Variants in PTPRD observed in about 807,000 individuals in gnomAD.
PTPRD encodes the protein protein tyrosine phosphatase receptor type D.
Under a neutral mutation model 214.5 loss-of-function variants are expected in PTPRD, and 34 were observed. That is an observed-to-expected ratio of 0.16 (90% CI 0.12 to 0.21). The LOEUF (loss-of-function observed/expected upper bound fraction) is 0.21. Ranked by LOEUF, PTPRD falls within the 10% of genes least tolerant of loss-of-function variation. PTPRD has a pLI of 1.00. For synonymous variants in PTPRD, 1,128 were observed against 845.7 expected (o/e 1.33, Z -5.79); for missense variants, 2,545 against 2,398.7 (o/e 1.06, Z -1.27).
intron 14 of PTPRD, among the ~76,000 whole-genome samples, chr9:8,604,210 A>T (rs1026153753): frequency 6.6e-6 from 1 of 152,236 alleles, no homozygotes; most frequent in Admixed American, 6.5e-5. Flanking sequence ...CCATGCATGA[A>T]GTAAAACACA....
intron 2 of PTPRD, among the ~76,000 whole-genome samples, chr9:10,585,097 A>G (rs1741679505): frequency 6.6e-6 from 1 of 152,164 alleles, no homozygotes; most frequent in South Asian, 2.1e-4. Context: ...AGGCTTATAT[A>G]ACACAATATT....
intron 7 of PTPRD, among the ~76,000 whole-genome samples, chr9:9,679,255 A>G (rs1186055572): frequency 1.3e-5 from 2 of 149,974 alleles, no homozygotes; most frequent in African/African-American, 2.5e-5. Flanking sequence ...TCCTTCCCCC[A>G]CTCCCTTCAC....
intron 9 of PTPRD, among the ~76,000 whole-genome samples, chr9:9,392,378 T>G (rs986331470): frequency 3.9e-5 from 6 of 152,176 alleles, no homozygotes; most frequent in Admixed American, 1.3e-4. Flanking sequence ...AGCAGAAGTC[T>G]TAGCTTTTTA....
intron 12 of PTPRD, among the ~76,000 whole-genome samples, chr9:8,654,785 C>T (rs1010589801): frequency 5.3e-5 from 8 of 152,008 alleles, no homozygotes; most frequent in African/African-American, 1.9e-4. Flanking sequence ...GTTTCCCTTC[C>T]TATGTATTTA....
chr9:8,893,734 A>C lies in PTPRD; in HGVS notation c.-104+124963T>G, dbSNP rs536109084. Among the ~76,000 whole-genome samples the C allele has an allele frequency of 2.0e-5, 3 of 152,272 alleles. No homozygotes were observed. The East Asian group carries it at 5.8e-4, about 29-fold the overall frequency. On this transcript the variant is annotated intron_variant, in intron 11 of 45. Coordinates refer to ENST00000381196, the MANE Select transcript of PTPRD (RefSeq NM_002839.4). ...TGGCCATCAATAAGATACACATTTGAAAATGTGGTATATTAATTGGGCCAC... is the reference window on the plus strand; with the variant it reads ...TGGCCATCAATAAGATACACATTTGCAAATGTGGTATATTAATTGGGCCAC...
chr9:9,762,426 T>C (rs1412362425), intron 6 of PTPRD, among the ~76,000 whole-genome samples: 1 of 152,192 alleles, frequency 6.6e-6, no homozygotes, highest in Non-Finnish European at 1.5e-5. Context: ...ATTTTCCAAA[T>C]CTTTAGGTTT....
intron 11 of PTPRD, among the ~76,000 whole-genome samples, chr9:8,790,515 T>G (rs1008999624): frequency 2.6e-5 from 4 of 151,986 alleles, no homozygotes; most frequent in African/African-American, 9.7e-5. Context: ...CCTCCCAGGT[T>G]CAAGCAATTC....
At chr9:9,544,905 G>A (rs146823755) in intron 8 of PTPRD, among the ~76,000 whole-genome samples, 2 of 151,858 alleles carry the variant, frequency 1.3e-5, no homozygotes, top group African/African-American at 2.4e-5. Flanking sequence ...TTCTAGTTGG[G>A]ATGGGTTTCT....
chr9:8,831,528 T>A (rs889205978), intron 11 of PTPRD, among the ~76,000 whole-genome samples: 1 of 152,140 alleles, frequency 6.6e-6, no homozygotes, highest in African/African-American at 2.4e-5. Context: ...CCCAATCCAA[T>A]TCAATAAAAC....
intron 3 of PTPRD, among the ~76,000 whole-genome samples, chr9:10,334,600 T>G (rs2096811294): frequency 6.6e-6 from 1 of 151,540 alleles, no homozygotes; most frequent in African/African-American, 2.4e-5. Context: ...TTACTTTGTT[T>G]GAGAAGGAAG....
At chr9:8,490,437 G>A (rs1302311674) in intron 27 of PTPRD, among the ~76,000 whole-genome samples, 14 of 152,202 alleles carry the variant, frequency 9.2e-5, no homozygotes, top group South Asian at 2.1e-4. Flanking sequence ...TAGTACCAAC[G>A]CAACAACAAT....
chr9:9,640,070 C>A (rs549861860), intron 7 of PTPRD, among the ~76,000 whole-genome samples: 2 of 152,236 alleles, frequency 1.3e-5, no homozygotes, highest in South Asian at 4.1e-4. Flanking sequence ...TTGATTTCAT[C>A]TTAGAGACCC....
chr9:8,644,594 A>T (rs1001550881), intron 12 of PTPRD, among the ~76,000 whole-genome samples: 1 of 152,058 alleles, frequency 6.6e-6, no homozygotes, highest in South Asian at 2.1e-4. Context: ...GCTGTGACTC[A>T]CTCTTTGGGG....
chr9:9,269,084 T>C (rs905994809), intron 9 of PTPRD, among the ~76,000 whole-genome samples: 2 of 150,968 alleles, frequency 1.3e-5, no homozygotes, highest in Non-Finnish European at 3.0e-5. Flanking sequence ...ATCTACGGAA[T>C]GGGAAAAAAT....
chr9:10,178,043 C>G (rs1473276618), intron 3 of PTPRD, among the ~76,000 whole-genome samples: 1 of 151,922 alleles, frequency 6.6e-6, no homozygotes, highest in Non-Finnish European at 1.5e-5. Context: ...TGAATCATTA[C>G]TTGCACTGCT....
In PTPRD at chr9:10,460,259, A is replaced by T. The variant is rs2098948818; in HGVS notation, c.-599-119242T>A. 2.6e-5 allele frequency among the ~76,000 whole-genome samples: 4 copies of T among 152,146 alleles called. No homozygotes were observed. The South Asian group carries it at 8.3e-4, about 31-fold the overall frequency. The stretch of plus-strand genomic sequence containing the variant: ...ACACAAATAAGTGAAAAGCTATTCC[A>T]TGCTTATGGATCAGAAACACTAACT... On this transcript the variant is annotated intron_variant, in intron 2 of 45. Transcript: ENST00000381196.
intron 5 of PTPRD, among the ~76,000 whole-genome samples, chr9:9,831,328 C>A (rs900716253): frequency 5.3e-5 from 8 of 151,844 alleles, no homozygotes; most frequent in African/African-American, 1.9e-4. Context: ...CTGAGGTAAC[C>A]AAAATACAAA....
intron 11 of PTPRD, among the ~76,000 whole-genome samples, chr9:8,955,357 T>C (rs1340635664): frequency 6.6e-6 from 1 of 151,798 alleles, no homozygotes; most frequent in African/African-American, 2.4e-5. Context: ...TAGATAGAGA[T>C]AGTCCTACTC....
chr9:9,928,984 C>T (rs1022998491), intron 5 of PTPRD, among the ~76,000 whole-genome samples: 3 of 152,062 alleles, frequency 2.0e-5, no homozygotes, highest in African/African-American at 4.8e-5. Context: ...CTATTTAGAA[C>T]AAATAAATGA....
Sources: gnomAD v4.1 joint callset for allele counts (sites outside exome capture counted in the v4.1 genomes callset) on GRCh38, gnomAD v4.1.1 for gene constraint, MANE v1.5 for transcripts, NCBI Gene and HGNC (gene_info 2026-07-23, HGNC 2026-07-21) for gene names.